The following GABRB2 variants were observed in gnomAD, a reference collection of about 807,000 sequenced individuals.
The protein encoded by GABRB2 is gamma-aminobutyric acid type A receptor subunit beta2, also known as gamma-aminobutyric acid receptor subunit beta-2.
Under a neutral mutation model 54.7 loss-of-function variants are expected in GABRB2, and 16 were observed. The ratio of observed to expected loss-of-function variants is 0.29; its 90% CI spans 0.20 to 0.44. The LOEUF (loss-of-function observed/expected upper bound fraction) is 0.44. GABRB2 is among the 20% of genes least tolerant of loss of function. GABRB2 has a pLI of 1.00. For synonymous variants in GABRB2, 244 were observed against 233.8 expected (o/e 1.04, Z -0.40); for missense variants, 355 against 644.0 (o/e 0.55, Z 4.86).
chr5:161,490,947 A>G (rs10069900), intron 3 of GABRB2, among the ~76,000 whole-genome samples: 59,922 of 151,492 alleles, frequency 0.4, 13,194 homozygotes, highest in African/African-American at 0.59. Flanking sequence ...TCTAGTATCC[A>G]ATTACTGTTC....
intron 3 of GABRB2, among the ~76,000 whole-genome samples, chr5:161,539,929 G>C (rs573532721): frequency 3.3e-5 from 5 of 152,320 alleles, no homozygotes; most frequent in African/African-American, 1.2e-4. Context: ...ACAATCATCT[G>C]AGCCTTCACG....
chr5:161,479,046 T>G (rs1191961229), intron 3 of GABRB2, among the ~76,000 whole-genome samples: 1 of 152,018 alleles, frequency 6.6e-6, no homozygotes, highest in African/African-American at 2.4e-5. Flanking sequence ...GAAGACCAAT[T>G]TGCAGACCCA....
chr5:161,480,001 G>A (rs899812869), intron 3 of GABRB2, among the ~76,000 whole-genome samples: 1 of 152,064 alleles, frequency 6.6e-6, no homozygotes, highest in Non-Finnish European at 1.5e-5. Context: ...TACACACACA[G>A]ACTTCATAAT....
intron 3 of GABRB2, among the ~76,000 whole-genome samples, chr5:161,506,767 G>T (rs532223305): frequency 6.6e-6 from 1 of 152,200 alleles, no homozygotes; most frequent in African/African-American, 2.4e-5. Flanking sequence ...GAGCCAACTA[G>T]AATCTGGAAA....
In GABRB2 at chr5:161,326,355, C is replaced by T; in HGVS notation, c.1191+13G>A. On this transcript the variant is annotated intron_variant, in intron 9 of 9. Coordinates refer to ENST00000393959, the MANE Select transcript of GABRB2 (RefSeq NM_001371727.1). The stretch of plus-strand genomic sequence containing the variant: ...GAAATACAAATAAATGGATTAAAAA[C>T]TGGCTATCTAACCGTATACAGAGAG... 6.2e-7 allele frequency: 1 copy of T among 1,609,158 alleles called. No homozygotes were observed. Among genetic ancestry groups the T allele is most frequent in the Non-Finnish European group, 8.5e-7 (1 of 1,178,520 alleles).
intron 5 of GABRB2, among the ~76,000 whole-genome samples, chr5:161,398,952 A>T (rs1756094606): frequency 6.6e-6 from 1 of 152,082 alleles, no homozygotes; most frequent in South Asian, 2.1e-4. Context: ...TTTCCAACTC[A>T]AAGTTAAGTG....
At chr5:161,485,961 G>T (rs1429926139) in intron 3 of GABRB2, among the ~76,000 whole-genome samples, 1 of 151,880 alleles carries the variant, frequency 6.6e-6, no homozygotes, top group Non-Finnish European at 1.5e-5. Context: ...ATGGAAAATG[G>T]TTGGTTCTTG....
intron 4 of GABRB2, among the ~76,000 whole-genome samples, chr5:161,446,772 AC>A (rs1262625650): frequency 6.6e-6 from 1 of 151,974 alleles, no homozygotes; most frequent in Non-Finnish European, 1.5e-5. Context: ...CCGTAAAACA[AC>A]CCCTGTGTCT....
chr5:161,302,228 C>G (rs1027498711), intron 9 of GABRB2, among the ~76,000 whole-genome samples: 5 of 152,194 alleles, frequency 3.3e-5, no homozygotes, highest in Admixed American at 2.6e-4. Flanking sequence ...AAGAAGTTTC[C>G]TTTCCCCTCT....
chr5:161,357,151 T>A (rs1370869307), intron 5 of GABRB2, among the ~76,000 whole-genome samples: 2 of 152,188 alleles, frequency 1.3e-5, no homozygotes, highest in Non-Finnish European at 2.9e-5. Context: ...ATCTAAGAAG[T>A]ATCTGTTGTC....
At chr5:161,437,097 G>A (rs577087559) in intron 4 of GABRB2, among the ~76,000 whole-genome samples, 6 of 152,262 alleles carry the variant, frequency 3.9e-5, no homozygotes, top group East Asian at 1.9e-4. Flanking sequence ...GTCCTAGGGC[G>A]GATTTAGGCC....
At chr5:161,497,828 C>T (rs1759303676) in intron 3 of GABRB2, among the ~76,000 whole-genome samples, 1 of 152,074 alleles carries the variant, frequency 6.6e-6, no homozygotes, top group Non-Finnish European at 1.5e-5. Context: ...AGGATGCTGG[C>T]CTGCCCTCAA....
intron 9 of GABRB2, among the ~76,000 whole-genome samples, chr5:161,301,612 G>T (rs753749497): frequency 2.0e-5 from 3 of 152,152 alleles, no homozygotes; most frequent in Non-Finnish European, 4.4e-5. Flanking sequence ...GAGGGAGGAA[G>T]AAGCAAAAGT....
intron 3 of GABRB2, among the ~76,000 whole-genome samples, chr5:161,522,322 A>AT (rs1760139517): frequency 6.6e-6 from 1 of 151,812 alleles, no homozygotes; most frequent in Non-Finnish European, 1.5e-5. Flanking sequence ...ACATTACCAT[A>AT]TAAAAAATAC....
At chr5:161,298,686 T>A (rs372563206) in intron 9 of GABRB2, among the ~76,000 whole-genome samples, 1 of 152,230 alleles carries the variant, frequency 6.6e-6, no homozygotes, top group Non-Finnish European at 1.5e-5. Flanking sequence ...TAGAGCAGCA[T>A]GCTCAAGTAC....
intron 7 of GABRB2, among the ~76,000 whole-genome samples, chr5:161,331,603 A>G (rs1407426028): frequency 6.6e-6 from 1 of 152,116 alleles, no homozygotes; most frequent in East Asian, 1.9e-4. Context: ...GAGAGCTTTT[A>G]TATCAAGGTT....
At chr5:161,547,887 A>C (rs1292268077), upstream of GABRB2, 2 of 151,754 alleles carry the variant, frequency 1.3e-5, no homozygotes. Flanking sequence ...ATCCCTCCTT[A>C]CCTCGCAGGC....
chr5:161,422,083 G>A (rs1756869399), intron 4 of GABRB2, among the ~76,000 whole-genome samples: 1 of 151,914 alleles, frequency 6.6e-6, no homozygotes, highest in Non-Finnish European at 1.5e-5. Flanking sequence ...ACTGTAAATT[G>A]GCACAAACTT....
chr5:161,329,959 G>C (rs1234342697), intron 8 of GABRB2: 1 of 152,182 alleles, frequency 6.6e-6, no homozygotes, highest in Non-Finnish European at 1.5e-5. Flanking sequence ...GCTCTACTGG[G>C]ACTACCATCA....
Sources: gnomAD v4.1 joint callset for allele counts (sites outside exome capture counted in the v4.1 genomes callset) on GRCh38, gnomAD v4.1.1 for gene constraint, MANE v1.5 for transcripts, NCBI Gene and HGNC (gene_info 2026-07-23, HGNC 2026-07-21) for gene names.